ATP6V0D2: variants seen among roughly 807,000 people sequenced by gnomAD.
ATP6V0D2 encodes the protein ATPase H+ transporting V0 subunit d2, also known as V-type proton ATPase subunit d 2.
ATP6V0D2 carries 40 observed loss-of-function variants against 40.0 expected under a neutral mutation model. The ratio of observed to expected loss-of-function variants is 1.00; its 90% CI spans 0.78 to 1.30. The LOEUF is 1.30. Among genes scored for constraint, ATP6V0D2 ranks in the 50% most tolerant of loss-of-function variants. The pLI is 0.00. For missense variants in ATP6V0D2, 470 were observed against 423.1 expected (o/e 1.11, Z -0.97); for synonymous variants, 179 against 156.3 (o/e 1.15, Z -1.08).
chr8:86,143,459 T>A (rs1392721557), intron 5 of ATP6V0D2, among the ~76,000 whole-genome samples: 2 of 152,196 alleles, frequency 1.3e-5, no homozygotes, highest in Non-Finnish European at 2.9e-5. Flanking sequence ...TTTGTATGGT[T>A]ATTTCTTGAT....
Position 86,113,793 on chromosome 8 carries a change from C to T in ATP6V0D2, c.215C>T (p.Thr72Ile). 1 of 1,613,928 alleles carries T rather than the reference C, an allele frequency of 6.2e-7. No homozygotes were observed. Among genetic ancestry groups the T allele is most frequent in the Non-Finnish European group, 8.5e-7 (1 of 1,179,906 alleles). ...TNPLTVSKID[T>I]EMRKRLCGEF... Reference sequence around the variant, plus strand: ...CCTCTTACTGTTTCCAAAATTGACACTGAGATGAGGAAAAGACTATGTGGA... The same window carrying T: ...CCTCTTACTGTTTCCAAAATTGACATTGAGATGAGGAAAAGACTATGTGGA... Residue 72 changes from threonine to isoleucine, a missense_variant, in exon 2 of 8, where the codon ACT (threonine) becomes ATT (isoleucine). By Grantham distance (89) the Thr-to-Ile change is moderately conservative. Coordinates refer to ENST00000285393, the MANE Select transcript of ATP6V0D2 (RefSeq NM_152565.1).
At chr8:86,119,087 G>T (rs916968326) in intron 2 of ATP6V0D2, among the ~76,000 whole-genome samples, 1 of 152,058 alleles carries the variant, frequency 6.6e-6, no homozygotes, top group Non-Finnish European at 1.5e-5. Flanking sequence ...TTGTACTTTG[G>T]GATTGGGAAA....
At position 86,140,803 on chromosome 8, in the gene ATP6V0D2, G is replaced by T. The variant is rs536274540; in HGVS notation, c.482-647G>T. 1.5e-4 allele frequency among the ~76,000 whole-genome samples: 23 copies of T among 152,204 alleles called. No homozygotes were observed. In the South Asian group the frequency reaches 3.7e-3, roughly 25 times the overall value. On this transcript the variant is annotated intron_variant, in intron 3 of 7. Coordinates refer to ENST00000285393, the MANE Select transcript of ATP6V0D2 (RefSeq NM_152565.1). ...GACAGGAGAGAGGGGATGGTTTCGG[G>T]ATGATTCAAACACATTACATTTATT...
intron 1 of ATP6V0D2, among the ~76,000 whole-genome samples, chr8:86,109,459 G>A (rs1223417389): frequency 6.6e-6 from 1 of 152,182 alleles, no homozygotes; most frequent in Admixed American, 6.5e-5. Flanking sequence ...CTGGGGAAGA[G>A]AGGTTCCTTC....
chr8:86,128,793 G>T (rs1488681353), intron 2 of ATP6V0D2, among the ~76,000 whole-genome samples: 1 of 152,138 alleles, frequency 6.6e-6, no homozygotes, highest in African/African-American at 2.4e-5. Flanking sequence ...TGAGTAATAC[G>T]ATTTATGGTC....
chr8:86,150,193 T>G lies in ATP6V0D2; in HGVS notation c.721T>G (p.Tyr241Asp), dbSNP rs1295341452. 1 of 1,613,404 alleles carries G rather than the reference T, an allele frequency of 6.2e-7. No homozygotes were observed. The highest frequency in any genetic ancestry group is 8.5e-7 in the Non-Finnish European group (1 of 1,179,908). ...GAGCAAAGAAGACCGAGAGACCCTC[T>G]ATCCAACCTTCGGCAAACTCTATCC... ...ELSKEDRETL[Y>D]PTFGKLYPEG... is the part of the protein sequence containing the mutation. The change falls in exon 6 of 8, where the codon TAT becomes GAT. Residue 241 changes from tyrosine to aspartate, a missense_variant. Physicochemically the swap from Tyr to Asp is radical, Grantham distance 160. Transcript: ENST00000285393.
chr8:86,100,058 G>T (rs1162801691), intron 1 of ATP6V0D2, among the ~76,000 whole-genome samples: 1 of 150,948 alleles, frequency 6.6e-6, no homozygotes, highest in Admixed American at 6.6e-5. Flanking sequence ...AAAAAATCAA[G>T]AGCTGTTACT....
At chr8:86,106,554 T>A (rs1234499974) in intron 1 of ATP6V0D2, among the ~76,000 whole-genome samples, 1 of 152,214 alleles carries the variant, frequency 6.6e-6, no homozygotes, top group Non-Finnish European at 1.5e-5. Context: ...CACTGTAGTT[T>A]ACATACAACA....
intron 5 of ATP6V0D2, among the ~76,000 whole-genome samples, chr8:86,148,916 A>G (rs1359093352): frequency 6.6e-6 from 1 of 151,806 alleles, no homozygotes; most frequent in Non-Finnish European, 1.5e-5. Context: ...TACAAGAAAA[A>G]TTACCTGGGC....
chr8:86,139,527 A>T lies in ATP6V0D2; in HGVS notation c.373A>T (p.Ile125Phe). The T allele has an allele frequency of 3.1e-6, 5 of 1,613,800 alleles. No individual in the cohort carries two copies. The highest frequency in any genetic ancestry group is 4.2e-6 in the Non-Finnish European group (5 of 1,179,860). Residue 125 changes from isoleucine to phenylalanine, a missense_variant, in exon 3 of 8, where the codon ATT becomes TTT. Coordinates refer to ENST00000285393, the MANE Select transcript of ATP6V0D2 (RefSeq NM_152565.1). ...GALQKKSVKE[I>F]LGKCHPLGRF... ...ATTGCAGAAAAAATCTGTGAAAGAA[A>T]TTCTGGGGAAGTGCCACCCCTTGGG...
At chr8:86,099,542 G>A (rs1447478107) in intron 1 of ATP6V0D2, among the ~76,000 whole-genome samples, 1 of 152,192 alleles carries the variant, frequency 6.6e-6, no homozygotes, top group African/African-American at 2.4e-5. Context: ...TGCATAGGCT[G>A]AAGTATAGTG....
intron 2 of ATP6V0D2, among the ~76,000 whole-genome samples, chr8:86,123,082 T>C (rs1818694892): frequency 6.6e-6 from 1 of 152,164 alleles, no homozygotes; most frequent in African/African-American, 2.4e-5. Context: ...GGCCATGTGA[T>C]AGAGTGGTTG....
At position 86,119,232 on chromosome 8, in the gene ATP6V0D2, CT is replaced by C. The variant is rs35945978; in HGVS notation, c.302+5370del. Among the ~76,000 whole-genome samples the C allele has an allele frequency of 2.7e-3, 342 of 125,910 alleles. 1 individual carries two copies. The highest frequency in any genetic ancestry group is 5.9e-3 in the African/African-American group (201 of 33,978). The allele number at this position is 125,910 out of a possible 152,430, so 82.6% of individuals were successfully genotyped here. A position where few individuals can be genotyped will look rare whatever the true frequency, so the allele number is the denominator to read the frequency against. ...ATTTCTTGTTTCCTAATCATAGGATCTTTTTTTTTTTTTTTTTTGAGATGGA... is the reference window on the plus strand; with the variant it reads ...ATTTCTTGTTTCCTAATCATAGGATCTTTTTTTTTTTTTTTTTGAGATGGA... On this transcript the variant is annotated intron_variant, in intron 2 of 7. Transcript: ENST00000285393.
rs189932697 is a variant in ATP6V0D2, at chr8:86,110,141, C to T, written c.131-3568C>T. Among the ~76,000 whole-genome samples the T allele has an allele frequency of 7.2e-5, 11 of 152,290 alleles. No homozygotes were observed. The East Asian group carries it at 1.9e-3, about 27-fold the overall frequency. On this transcript the variant is annotated intron_variant, in intron 1 of 7. Transcript: ENST00000285393. Reference sequence around the variant, plus strand: ...AGAGTCTGTCATTCCTTTGCCCAGGCTGGGGTGCAGTGGCGCATTCTCAGC... The same window carrying T: ...AGAGTCTGTCATTCCTTTGCCCAGGTTGGGGTGCAGTGGCGCATTCTCAGC...
chr8:86,144,780 C>T (rs936445604), intron 5 of ATP6V0D2, among the ~76,000 whole-genome samples: 3 of 152,050 alleles, frequency 2.0e-5, no homozygotes, highest in Non-Finnish European at 2.9e-5. Context: ...GATCCTCCCA[C>T]CTCAGCCTCC....
chr8:86,128,190 A>G (rs759739790), intron 2 of ATP6V0D2, among the ~76,000 whole-genome samples: 4 of 152,168 alleles, frequency 2.6e-5, no homozygotes, highest in Non-Finnish European at 4.4e-5. Flanking sequence ...TCTACGAAAA[A>G]TACAAAAAAT....
Position 86,139,480 on chromosome 8 carries a change from T to G in ATP6V0D2, c.326T>G (p.Val109Gly). The change falls in exon 3 of 8, where the codon GTG becomes GGG. Residue 109 changes from valine (V) to glycine (G), a missense_variant. Transcript: ENST00000285393. ...YMTCSYMIDN[V>G]ILLMNGALQK... ...AGGTGCAGTTATATGATAGACAATGTGATTCTGCTGATGAATGGTGCATTG... is the reference window on the plus strand; with the variant it reads ...AGGTGCAGTTATATGATAGACAATGGGATTCTGCTGATGAATGGTGCATTG... The G allele has an allele frequency of 1.2e-6, 2 of 1,612,122 alleles. No individual in the cohort carries two copies. The highest frequency in any genetic ancestry group is 1.7e-6 in the Non-Finnish European group (2 of 1,179,262).
chr8:86,113,922 G>T (rs17602780), intron 2 of ATP6V0D2, 42 bp downstream of exon 2: 2 of 1,550,564 alleles, frequency 1.3e-6, no homozygotes, highest in Non-Finnish European at 1.7e-6. Flanking sequence ...CAATGTACTC[G>T]TGCGGATGAC....
At chr8:86,108,455 C>A (rs1818495450) in intron 1 of ATP6V0D2, among the ~76,000 whole-genome samples, 1 of 152,114 alleles carries the variant, frequency 6.6e-6, no homozygotes, top group African/African-American at 2.4e-5. Flanking sequence ...TTGTTTAATC[C>A]CCAAAACAAC....
Sources: allele counts gnomAD v4.1 joint callset (sites outside exome capture counted in the v4.1 genomes callset), GRCh38; gene constraint gnomAD v4.1.1; transcripts MANE v1.5; gene names NCBI Gene and HGNC (gene_info 2026-07-23, HGNC 2026-07-21).